The following FARP2 variants were observed in gnomAD, a reference collection of about 807,000 sequenced individuals.
The protein encoded by FARP2 is FERM, ARHGEF and pleckstrin domain-containing protein 2.
In FARP2, 111 loss-of-function variants were observed where a neutral mutation model predicts 130.5. The observed-to-expected ratio is 0.85, with a 90% CI of 0.73 to 1.00. The LOEUF is 1.00. Among genes scored for constraint, FARP2 ranks in the 50% least tolerant of loss-of-function variants. FARP2 has a pLI of 0.00. For missense variants in FARP2, 1,385 were observed against 1,346.3 expected (o/e 1.03, Z -0.45); for synonymous variants, 504 against 516.9 (o/e 0.98, Z 0.34).
chr2:241,451,111 C>T lies in FARP2; in HGVS notation c.1412-5636C>T, dbSNP rs150736203. Reference sequence around the variant, plus strand: ...GGGACTACAGGCAAGCACACCACCACACCTGGCTAAATTTTTGATAATTTT... The same window carrying T: ...GGGACTACAGGCAAGCACACCACCATACCTGGCTAAATTTTTGATAATTTT... On this transcript the variant is annotated intron_variant, in intron 13 of 26. Transcript: ENST00000264042. Among the ~76,000 whole-genome samples, 68 of 152,220 alleles carry T rather than the reference C, an allele frequency of 4.5e-4. No individual in the cohort carries two copies. In the East Asian group the frequency reaches 0.013, roughly 28 times the overall value.
chr2:241,420,956 C>A (rs980835368), intron 8 of FARP2, among the ~76,000 whole-genome samples: 1 of 152,206 alleles, frequency 6.6e-6, no homozygotes, highest in Non-Finnish European at 1.5e-5. Context: ...TGAGTGGATT[C>A]ACCTTCAACT....
chr2:241,408,270 G>T (rs1205339538), intron 5 of FARP2, among the ~76,000 whole-genome samples: 23 of 152,174 alleles, frequency 1.5e-4, no homozygotes, highest in Admixed American at 1.5e-3. Context: ...TACTCAGGAG[G>T]CTGAGGCAGG....
At chr2:241,422,972 C>G (rs955104084) in intron 8 of FARP2, among the ~76,000 whole-genome samples, 4 of 151,998 alleles carry the variant, frequency 2.6e-5, no homozygotes, top group African/African-American at 9.7e-5. Context: ...GTGAAGAGAC[C>G]AAACCTATAA....
chr2:241,409,123 G>A (rs976018136), intron 5 of FARP2, among the ~76,000 whole-genome samples: 1 of 152,066 alleles, frequency 6.6e-6, no homozygotes, highest in African/African-American at 2.4e-5. Context: ...TCAGGATCCT[G>A]GGTCTCAAGT....
rs763507831 is a variant in FARP2, at chr2:241,373,299, C to G, written c.183+9C>G. ...AAATATTTGACATTGAGGTAAGAAG[C>G]ATGATTTTTGGAGGCATATTTCCTT... is the stretch of plus-strand genomic sequence containing the variant. On this transcript the variant is annotated intron_variant, in intron 2 of 26. Transcript: ENST00000264042. The G allele has an allele frequency of 1.4e-6, 2 of 1,391,688 alleles. No homozygotes were observed. Among genetic ancestry groups the G allele is most frequent in the African/African-American group, 2.9e-5 (2 of 67,808 alleles). The allele number at this position is 1,391,688 out of a possible 1,614,324, so 86.2% of individuals were successfully genotyped here.
intron 13 of FARP2, among the ~76,000 whole-genome samples, chr2:241,449,161 G>A (rs1276661100): frequency 6.6e-6 from 1 of 152,084 alleles, no homozygotes; most frequent in Non-Finnish European, 1.5e-5. Context: ...TTTTCTTCTG[G>A]AATTAACAAT....
At chr2:241,405,732 G>A (rs953692512) in intron 4 of FARP2, among the ~76,000 whole-genome samples, 1 of 152,084 alleles carries the variant, frequency 6.6e-6, no homozygotes, top group Non-Finnish European at 1.5e-5. Context: ...TCAGGAGTTC[G>A]AGACCAGCCT....
Position 241,493,445 on chromosome 2 carries a change from G to GTAAT in FARP2, c.3047+3_3047+6dup, listed in dbSNP as rs1269657415. ...CTGAGAGCAAGTACACATTTGAAAG[G>GTAAT]TAATTTTGCAGGAGGCAGCCCTGGT... On this transcript the variant is annotated splice_donor_variant, in intron 26 of 26. Transcript: ENST00000264042. LOFTEE classifies it high-confidence loss of function. 4 of 1,613,692 alleles carry GTAAT rather than the reference G, an allele frequency of 2.5e-6. No individual in the cohort carries two copies. Among genetic ancestry groups the GTAAT allele is most frequent in the Non-Finnish European group, 3.4e-6 (4 of 1,179,922 alleles).
At chr2:241,451,300 A>T (rs766372728) in intron 13 of FARP2, among the ~76,000 whole-genome samples, 1 of 152,100 alleles carries the variant, frequency 6.6e-6, no homozygotes. Flanking sequence ...AGTATTTCAG[A>T]TGTTATTCTT....
At chr2:241,478,947 C>T (rs2286277) in intron 19 of FARP2, 11,690 of 398,560 alleles carry the variant, frequency 0.029, 1,433 homozygotes, top group Admixed American at 0.25. Context: ...GCCAGTGAAC[C>T]CAGAAAGAAG....
chr2:241,436,330 T>C, intron 11 of FARP2, 151 bp from the exon 12 acceptor site: 1 of 635,322 alleles, frequency 1.6e-6, no homozygotes. Context: ...ATTCTTGTTT[T>C]CCATTCTCCT....
At chr2:241,425,927 A>ATT (rs530395257) in intron 8 of FARP2, among the ~76,000 whole-genome samples, 1 of 145,840 alleles carries the variant, frequency 6.9e-6, no homozygotes. Context: ...GCATTTGGCG[A>ATT]TTTTTTTTTT....
chr2:241,435,104 C>T (rs34882686), intron 11 of FARP2, 74 bp downstream of exon 11: 161,669 of 822,548 alleles, frequency 0.2, 18,322 homozygotes, highest in Middle Eastern at 0.27. Flanking sequence ...GGAGAGAGAG[C>T]GAAAAGAGAG....
chr2:241,363,912 G>A (rs992933917), intron 1 of FARP2, among the ~76,000 whole-genome samples: 5 of 152,188 alleles, frequency 3.3e-5, no homozygotes, highest in Non-Finnish European at 5.9e-5. Context: ...AAAATAACTC[G>A]TGAAAAAAGA....
chr2:241,361,123 C>T (rs1225183643), intron 1 of FARP2, among the ~76,000 whole-genome samples: 2 of 152,068 alleles, frequency 1.3e-5, no homozygotes, highest in Non-Finnish European at 2.9e-5. Flanking sequence ...TATTTTAGCA[C>T]GTCTGATGGT....
intron 1 of FARP2, among the ~76,000 whole-genome samples, chr2:241,357,578 G>A (rs2061097760): frequency 6.6e-6 from 1 of 152,140 alleles, no homozygotes; most frequent in Admixed American, 6.5e-5. Flanking sequence ...GCACAGCCCC[G>A]TTTTAAAGTA....
chr2:241,362,330 G>A (rs1006226845), intron 1 of FARP2, among the ~76,000 whole-genome samples: 27 of 152,208 alleles, frequency 1.8e-4, no homozygotes, highest in African/African-American at 4.8e-4. Flanking sequence ...TTGGCCAGGC[G>A]TGGTGGCTCA....
intron 8 of FARP2, among the ~76,000 whole-genome samples, chr2:241,424,169 T>G (rs903766276): frequency 2.0e-5 from 3 of 152,142 alleles, no homozygotes; most frequent in African/African-American, 7.2e-5. Flanking sequence ...ATTCTTCTCA[T>G]CACCACATGG....
intron 1 of FARP2, among the ~76,000 whole-genome samples, chr2:241,369,532 T>C (rs2061380368): frequency 6.6e-6 from 1 of 152,002 alleles, no homozygotes; most frequent in Admixed American, 6.5e-5. Flanking sequence ...AGGTTAGTCT[T>C]GTCTATTTTT....
Sources: allele counts gnomAD v4.1 joint callset (sites outside exome capture counted in the v4.1 genomes callset), GRCh38; gene constraint gnomAD v4.1.1; transcripts MANE v1.5; gene names NCBI Gene and HGNC (gene_info 2026-07-23, HGNC 2026-07-21).